CCNY: variants seen among roughly 807,000 people sequenced by gnomAD.
CCNY encodes the protein cyclin-Y.
In CCNY, 19 loss-of-function variants were observed where a neutral mutation model predicts 42.8. The observed-to-expected ratio is 0.44, with a 90% CI of 0.31 to 0.65. The LOEUF (loss-of-function observed/expected upper bound fraction) is 0.65, where lower values mean the gene tolerates loss of function less well. Ranked by LOEUF, CCNY falls within the 30% of genes least tolerant of loss-of-function variation. The pLI, the probability that CCNY is intolerant of heterozygous loss-of-function variation, is 0.07. For missense variants in CCNY, 370 were observed against 437.3 expected, an observed-to-expected ratio of 0.85 and a Z score of 1.37; for synonymous variants, 165 against 162.7, an observed-to-expected ratio of 1.01 and a Z score of -0.11.
At position 35,465,938 on chromosome 10, in the gene CCNY, A is replaced by AGAGAGAGTGTGT; in HGVS notation, c.155-17465_155-17464insAGAGAGTGTGTG. Among the ~76,000 whole-genome samples, 329 of 80,984 alleles carry AGAGAGAGTGTGT rather than the reference A, an allele frequency of 4.1e-3. 2 individuals carry two copies. The highest frequency in any genetic ancestry group is 6.3e-3 in the Admixed American group (49 of 7,820). 53.1% of individuals were successfully genotyped at this position (80,984 alleles called of 152,430 possible). On this transcript the variant is annotated intron_variant, in intron 1 of 9. Transcript: ENST00000374704. Reference sequence around the variant, plus strand: ...GAGAGAGAGAGAGAGAGAGAGAGAGAGTGTGTGTGTGTGTGTGTGTGTCTG... The same window carrying AGAGAGAGTGTGT: ...GAGAGAGAGAGAGAGAGAGAGAGAGAGAGAGAGTGTGTGTGTGTGTGTGTGTGTGTGTGTCTG...
intron 1 of CCNY, among the ~76,000 whole-genome samples, chr10:35,439,404 TC>T (rs1416696538): frequency 6.6e-6 from 1 of 152,244 alleles, no homozygotes; most frequent in Non-Finnish European, 1.5e-5. Flanking sequence ...GTTGAGCACA[TC>T]TACTGAGCTT....
At chr10:35,407,529 A>G (rs547821304) in intron 1 of CCNY, among the ~76,000 whole-genome samples, 39 of 152,266 alleles carry the variant, frequency 2.6e-4, no homozygotes, top group African/African-American at 8.2e-4. Flanking sequence ...CCATTTTACG[A>G]CAAGAATTAT....
At chr10:35,525,341 T>G (rs1840631776) in intron 4 of CCNY, among the ~76,000 whole-genome samples, 1 of 152,158 alleles carries the variant, frequency 6.6e-6, no homozygotes, top group Non-Finnish European at 1.5e-5. Flanking sequence ...TGTTTTCTAG[T>G]CAGAAAAAAA....
chr10:35,295,555 A>G (rs544591096), intron 3 of CCNY, among the ~76,000 whole-genome samples: 1 of 152,086 alleles, frequency 6.6e-6, no homozygotes, highest in South Asian at 2.1e-4. Flanking sequence ...CAGAAACTCT[A>G]TACCCATTAA....
intron 3 of CCNY, among the ~76,000 whole-genome samples, chr10:35,291,997 C>T (rs1486532442): frequency 2.6e-5 from 4 of 152,154 alleles, no homozygotes; most frequent in African/African-American, 7.2e-5. Context: ...CCACCAGTAG[C>T]GTAGTGGGGT....
chr10:35,299,832 T>C (rs1252111124), intron 3 of CCNY, among the ~76,000 whole-genome samples: 4 of 152,236 alleles, frequency 2.6e-5, no homozygotes, highest in Non-Finnish European at 5.9e-5. Context: ...TTTATTTTTT[T>C]CTTCTTTTCC....
intron 1 of CCNY, among the ~76,000 whole-genome samples, chr10:35,380,082 C>A (rs1373734573): frequency 6.6e-6 from 1 of 152,176 alleles, no homozygotes; most frequent in Non-Finnish European, 1.5e-5. Context: ...GGTTAGGTTA[C>A]ACTTGGAAGA....
intron 1 of CCNY, among the ~76,000 whole-genome samples, chr10:35,396,410 G>C (rs1046811251): frequency 6.6e-6 from 1 of 152,196 alleles, no homozygotes; most frequent in East Asian, 1.9e-4. Flanking sequence ...GCCGCAAGAA[G>C]GTGGGGTGGG....
At chr10:35,354,964 C>T (rs540962234) in intron 1 of CCNY, among the ~76,000 whole-genome samples, 164 of 152,198 alleles carry the variant, frequency 1.1e-3, no homozygotes, top group African/African-American at 3.6e-3. Context: ...TCTTTGTCTA[C>T]ACATGGTGGA....
At chr10:35,511,279 C>CCAAGACA (rs1344519548) in intron 3 of CCNY, among the ~76,000 whole-genome samples, 2 of 152,160 alleles carry the variant, frequency 1.3e-5, no homozygotes, top group African/African-American at 4.8e-5. Flanking sequence ...GTCTGTACCT[C>CCAAGACA]CAAGACACCT....
chr10:35,379,054 G>A (rs928593105), intron 1 of CCNY, among the ~76,000 whole-genome samples: 3 of 152,206 alleles, frequency 2.0e-5, no homozygotes, highest in African/African-American at 7.2e-5. Flanking sequence ...GGGAAATGCT[G>A]TTGCCACTGT....
At chr10:35,309,039 G>A (rs763619533) in intron 3 of CCNY, among the ~76,000 whole-genome samples, 1 of 152,174 alleles carries the variant, frequency 6.6e-6, no homozygotes, top group Non-Finnish European at 1.5e-5. Flanking sequence ...AGGGGAATGT[G>A]TGGGAATCTT....
chr10:35,335,682 A>G (rs1222040655), upstream of CCNY, among the ~76,000 whole-genome samples: 1 of 152,070 alleles, frequency 6.6e-6, no homozygotes, highest in African/African-American at 2.4e-5. Context: ...GCGAGATCCC[A>G]TCTCTACAAA....
At chr10:35,468,645 T>A (rs909946767) in intron 1 of CCNY, among the ~76,000 whole-genome samples, 2 of 152,334 alleles carry the variant, frequency 1.3e-5, no homozygotes, top group African/African-American at 4.8e-5. Flanking sequence ...AGACTATTTT[T>A]TCCTCCTGTG....
chr10:35,269,715 G>A (rs1835139116), intron 3 of CCNY, among the ~76,000 whole-genome samples: 1 of 147,414 alleles, frequency 6.8e-6, no homozygotes, highest in African/African-American at 2.5e-5. Flanking sequence ...TGCAACCTCC[G>A]CCTCCTGGGG....
chr10:35,508,842 T>C (rs1337000187), intron 3 of CCNY, among the ~76,000 whole-genome samples: 1 of 152,192 alleles, frequency 6.6e-6, no homozygotes, highest in Non-Finnish European at 1.5e-5. Flanking sequence ...GCAACTGTCA[T>C]CACAGTTAAT....
rs554364607 is a variant in CCNY, at chr10:35,571,851, A to G, written c.*2681A>G. ...AAGTTTTTGTCATTAAGGATGAAGG[A>G]AACGACACAATTTGTTACTTTAATT... is the stretch of plus-strand genomic sequence containing the variant. On this transcript the variant is annotated 3_prime_UTR_variant, in exon 10 of 10. Transcript: ENST00000374704. 43 of 152,378 alleles carry G rather than the reference A, an allele frequency of 2.8e-4. No homozygotes were observed. Among genetic ancestry groups the G allele is most frequent in the Non-Finnish European group, 5.9e-4 (40 of 68,046 alleles). 9.4% of individuals were successfully genotyped at this position (152,378 alleles called of 1,614,324 possible). A position where few individuals can be genotyped will look rare whatever the true frequency, so the allele number is the denominator to read the frequency against.
chr10:35,275,165 G>C (rs895979514), intron 3 of CCNY, among the ~76,000 whole-genome samples: 1 of 140,614 alleles, frequency 7.1e-6, no homozygotes, highest in African/African-American at 2.7e-5. Context: ...CTGGGTTCAA[G>C]CAATTCTTCT....
chr10:35,526,973 C>T (rs2474742), intron 5 of CCNY, among the ~76,000 whole-genome samples: 1 of 152,162 alleles, frequency 6.6e-6, no homozygotes, highest in African/African-American at 2.4e-5. Flanking sequence ...GAGCTCAGCC[C>T]GTGGGAGCCC....
Sources: allele counts gnomAD v4.1 joint callset (sites outside exome capture counted in the v4.1 genomes callset), GRCh38; gene constraint gnomAD v4.1.1; transcripts MANE v1.5; gene names NCBI Gene and HGNC (gene_info 2026-07-23, HGNC 2026-07-21).